MTOR: variants seen among roughly 807,000 people sequenced by gnomAD.
MTOR encodes the protein mechanistic target of rapamycin kinase.
A neutral mutation model predicts 319.8 loss-of-function variants in MTOR; 70 were observed. That is an observed-to-expected ratio of 0.22 (90% CI 0.18 to 0.27). The LOEUF (loss-of-function observed/expected upper bound fraction) is 0.27. MTOR is among the 10% of genes least tolerant of loss of function. The pLI is 1.00. For synonymous variants in MTOR, 1,183 were observed against 1,211.4 expected (o/e 0.98, Z 0.49); for missense variants, 1,890 against 3,274.4 (o/e 0.58, Z 10.32).
At chr1:11,207,557 T>C (rs1044575012) in intron 25 of MTOR, among the ~76,000 whole-genome samples, 35 of 150,682 alleles carry the variant, frequency 2.3e-4, no homozygotes, top group Non-Finnish European at 5.0e-4. Flanking sequence ...TACAGGCAGG[T>C]GCCACTCTGC....
At chr1:11,114,225 C>G (rs1642044863) in intron 53 of MTOR, 93 bp downstream of exon 53, 28 of 1,519,734 alleles carry the variant, frequency 1.8e-5, no homozygotes, top group Non-Finnish European at 2.4e-5. Context: ...GAACTCCTGG[C>G]CTCAAGCAAC....
chr1:11,197,349 C>T (rs574846002), intron 28 of MTOR, among the ~76,000 whole-genome samples: 1 of 152,266 alleles, frequency 6.6e-6, no homozygotes, highest in South Asian at 2.1e-4. Context: ...ACCACCACAA[C>T]CGGGCTTAGG....
Position 11,199,185 on chromosome 1 carries a change from AG to A in MTOR, c.4253+72del. On this transcript the variant is annotated intron_variant, in intron 28 of 57. Coordinates refer to ENST00000361445, the MANE Select transcript of MTOR (RefSeq NM_004958.4). This position sits in a 1 kb window ranked among gnomAD's most constrained non-coding sequence, Gnocchi z 4.5. ...AGAAGTCTTCAAGTGACTCCAGTGAAGTGGCACCAGGCAGTGGGAGAAGAGA... is the reference window on the plus strand; with the variant it reads ...AGAAGTCTTCAAGTGACTCCAGTGAATGGCACCAGGCAGTGGGAGAAGAGA... 1 of 1,592,452 alleles carries A rather than the reference AG, an allele frequency of 6.3e-7. No individual in the cohort carries two copies. Among genetic ancestry groups the A allele is most frequent in the Non-Finnish European group, 8.6e-7 (1 of 1,161,600 alleles).
chr1:11,171,696 C>T (rs889669750), intron 28 of MTOR, among the ~76,000 whole-genome samples: 8 of 152,032 alleles, frequency 5.3e-5, no homozygotes, highest in African/African-American at 9.7e-5. Context: ...ACCAGCATAG[C>T]TTTGCAAATT....
At chr1:11,189,499 C>G (rs983799995) in intron 28 of MTOR, 1 of 1,479,512 alleles carries the variant, frequency 6.8e-7, no homozygotes, top group Admixed American at 2.2e-5. Context: ...TTCAGTCAGC[C>G]TGCTGCAGCT....
chr1:11,240,630 G>A, intron 10 of MTOR, 83 bp from the exon 11 acceptor site: 1 of 1,519,346 alleles, frequency 6.6e-7, no homozygotes, highest in Non-Finnish European at 8.9e-7. Flanking sequence ...TTCTCTCCCA[G>A]CAAGGGGATC....
intron 30 of MTOR, among the ~76,000 whole-genome samples, chr1:11,156,504 C>A (rs1004149615): frequency 2.0e-5 from 3 of 152,114 alleles, no homozygotes; most frequent in African/African-American, 7.2e-5. Flanking sequence ...CTGTTTCCCC[C>A]CTACCTTCTC....
intron 19 of MTOR, among the ~76,000 whole-genome samples, chr1:11,222,737 T>C (rs1056940835): frequency 6.6e-6 from 1 of 152,050 alleles, no homozygotes; most frequent in Admixed American, 6.5e-5. Flanking sequence ...TCCTGAGAGA[T>C]ATGTCATGGA....
chr1:11,122,668 C>T (rs1243459122), intron 47 of MTOR, among the ~76,000 whole-genome samples: 1 of 151,978 alleles, frequency 6.6e-6, no homozygotes, highest in Non-Finnish European at 1.5e-5. Context: ...ACACCACACC[C>T]GGCTAATTTT....
intron 26 of MTOR, 139 bp downstream of exon 26, chr1:11,204,422 G>T: frequency 8.3e-7 from 1 of 1,198,516 alleles, no homozygotes; most frequent in Non-Finnish European, 1.1e-6. Context: ...TGTTGAATTT[G>T]TCTTTCTCTT....
chr1:11,163,696 T>C (rs1405208209), intron 29 of MTOR, among the ~76,000 whole-genome samples: 1 of 152,038 alleles, frequency 6.6e-6, no homozygotes, highest in African/African-American at 2.4e-5. Flanking sequence ...GGGTACATAA[T>C]GAAATGAAGG....
Position 11,229,655 on chromosome 1 carries a change from T to C in MTOR, c.2780-737A>G, listed in dbSNP as rs373675435. On this transcript the variant is annotated intron_variant, in intron 18 of 57. Coordinates refer to ENST00000361445, the MANE Select transcript of MTOR (RefSeq NM_004958.4). ...TAGAAAGTTCAGAAACAATTTATTT[T>C]GGGGTAATAATATTTTCCTGGAATA... is the stretch of plus-strand genomic sequence containing the variant. Among the ~76,000 whole-genome samples, 54 of 152,340 alleles carry C rather than the reference T, an allele frequency of 3.5e-4. No individual in the cohort carries two copies. In the East Asian group the frequency reaches 0.01, roughly 29 times the overall value.
intron 25 of MTOR, among the ~76,000 whole-genome samples, 153 bp downstream of exon 25, chr1:11,209,159 A>G (rs948625083): frequency 4.6e-5 from 7 of 152,248 alleles, no homozygotes; most frequent in African/African-American, 7.2e-5. Flanking sequence ...AGGCACCTGT[A>G]AAAAGACAAA....
chr1:11,247,535 T>C, intron 8 of MTOR, 90 bp downstream of exon 8: 1 of 1,158,596 alleles, frequency 8.6e-7, no homozygotes, highest in Non-Finnish European at 1.3e-6. Flanking sequence ...TTGGCGTTGC[T>C]TCAAAGGAAA....
rs189520506 is a variant in MTOR at position 11,170,997 on chromosome 1, C to T, written c.4254-3480G>A. 3.8e-3 allele frequency among the ~76,000 whole-genome samples: 580 copies of T among 151,768 alleles called. 4 individuals carry two copies. Among genetic ancestry groups the T allele is most frequent in the Non-Finnish European group, 5.0e-3 (340 of 67,966 alleles). ...GGATCATGAGGTCAGGAGTTCGAGA[C>T]CAGTCTGGCCAATCCAGTGAAACCC... On this transcript the variant is annotated intron_variant, in intron 28 of 57. Coordinates refer to ENST00000361445, the MANE Select transcript of MTOR (RefSeq NM_004958.4).
Position 11,115,130 on chromosome 1 carries a change from T to C in MTOR, c.7090-243A>G, listed in dbSNP as rs930356225. 6.6e-6 allele frequency among the ~76,000 whole-genome samples: 1 copy of C among 151,896 alleles called. No homozygotes were observed. Among genetic ancestry groups the C allele is most frequent in the African/African-American group, 2.4e-5 (1 of 41,340 alleles). On this transcript the variant is annotated intron_variant, in intron 51 of 57. Transcript: ENST00000361445. The surrounding 1 kb of genome is among the most constrained non-coding windows in gnomAD (Gnocchi z 4.5). ...GGAAAAAAGACAAATGTGCATCGTG[T>C]CCAGGCTCTTGGGCAACAGGTGGTA...
intron 30 of MTOR, 96 bp downstream of exon 30, chr1:11,157,056 G>A (rs2100565494): frequency 6.9e-7 from 1 of 1,447,242 alleles, no homozygotes; most frequent in Non-Finnish European, 9.2e-7. Context: ...AGTCTGAAGT[G>A]AGAACTCCGT....
intron 30 of MTOR, 63 bp downstream of exon 30, chr1:11,157,089 A>G: frequency 6.7e-7 from 1 of 1,500,854 alleles, no homozygotes. Flanking sequence ...TTCCTTTCAA[A>G]TCCAAAGATC....
intron 26 of MTOR, among the ~76,000 whole-genome samples, chr1:11,202,377 C>T (rs527900351): frequency 7.7e-5 from 11 of 142,038 alleles, no homozygotes; most frequent in East Asian, 2.1e-4. Flanking sequence ...GCCAAGATCG[C>T]GCCACTGCAC....
Sources: allele counts gnomAD v4.1 joint callset (sites outside exome capture counted in the v4.1 genomes callset), GRCh38; gene constraint gnomAD v4.1.1; non-coding constraint Gnocchi (gnomAD v3.1); transcripts MANE v1.5; gene names NCBI Gene and HGNC (gene_info 2026-07-23, HGNC 2026-07-21).